QTMAN: variants seen among roughly 807,000 people sequenced by gnomAD.
QTMAN encodes queuosine-tRNA mannosyltransferase.
chr2:144,282,398 ATATG>A, the QTMAN span, among the ~76,000 whole-genome samples: 1 of 148,722 alleles, frequency 6.7e-6, no homozygotes, highest in African/African-American at 2.4e-5. Flanking sequence ...TATATTATAT[ATATG>A]TAATATATTG....
the QTMAN span, among the ~76,000 whole-genome samples, chr2:144,025,564 G>C: frequency 6.6e-6 from 1 of 152,210 alleles, no homozygotes; most frequent in African/African-American, 2.4e-5. Flanking sequence ...TGCTTAAGAA[G>C]ACTGGGCCTG....
the QTMAN span, among the ~76,000 whole-genome samples, chr2:144,004,342 G>A: frequency 3.9e-5 from 6 of 151,970 alleles, no homozygotes; most frequent in African/African-American, 1.4e-4. Context: ...TCAATTATAC[G>A]ATTTCCACCC....
chr2:143,967,406 C>G, the QTMAN span, among the ~76,000 whole-genome samples: 1 of 151,940 alleles, frequency 6.6e-6, no homozygotes, highest in East Asian at 1.9e-4. Flanking sequence ...TCTTGGCTCA[C>G]TGCAACCTGT....
the QTMAN span, among the ~76,000 whole-genome samples, chr2:144,171,639 G>A: frequency 6.6e-6 from 1 of 152,064 alleles, no homozygotes; most frequent in Non-Finnish European, 1.5e-5. Context: ...AATATTTGGA[G>A]GAAATATTTT....
the QTMAN span, among the ~76,000 whole-genome samples, chr2:143,976,087 A>T: frequency 6.6e-6 from 1 of 152,236 alleles, no homozygotes. Context: ...TCATACAAAT[A>T]TAACTATTCC....
the QTMAN span, among the ~76,000 whole-genome samples, chr2:144,241,189 C>CACCCCAGACCTA: frequency 6.6e-6 from 1 of 152,212 alleles, no homozygotes; most frequent in African/African-American, 2.4e-5. Flanking sequence ...TCTCAGGCCT[C>CACCCCAGACCTA]ACCCCAGACC....
At chr2:144,292,222 G>A in the QTMAN span, among the ~76,000 whole-genome samples, 1 of 152,098 alleles carries the variant, frequency 6.6e-6, no homozygotes, top group African/African-American at 2.4e-5. Flanking sequence ...AACCCAGTTT[G>A]GGACAGTCCA....
the QTMAN span, among the ~76,000 whole-genome samples, chr2:144,228,024 C>G: frequency 2.6e-5 from 4 of 152,170 alleles, no homozygotes; most frequent in African/African-American, 9.7e-5. Flanking sequence ...AAGGAAGTTT[C>G]TGAGCTCTCC....
the QTMAN span, among the ~76,000 whole-genome samples, chr2:144,330,567 T>C: frequency 2.6e-5 from 4 of 152,324 alleles, no homozygotes; most frequent in South Asian, 6.2e-4. Context: ...TCAAAAACAC[T>C]GGAAAGTAAT....
chr2:144,262,237 G>A, the QTMAN span, among the ~76,000 whole-genome samples: 3,376 of 152,210 alleles, frequency 0.022, 66 homozygotes, highest in Non-Finnish European at 0.033. Context: ...ACAGACAATG[G>A]AAGATGGCTG....
At chr2:144,304,088 AAT>A in the QTMAN span, among the ~76,000 whole-genome samples, 1 of 152,232 alleles carries the variant, frequency 6.6e-6, no homozygotes, top group East Asian at 1.9e-4. Context: ...TAAAAGAACA[AAT>A]ATGAGAGAAC....
At chr2:144,109,639 T>A in the QTMAN span, among the ~76,000 whole-genome samples, 1 of 151,828 alleles carries the variant, frequency 6.6e-6, no homozygotes, top group African/African-American at 2.4e-5. Context: ...ATTTTTGCAA[T>A]CTACTCATCT....
chr2:144,034,549 G>A, the QTMAN span, among the ~76,000 whole-genome samples: 1 of 152,092 alleles, frequency 6.6e-6, no homozygotes, highest in Non-Finnish European at 1.5e-5. Context: ...GAGATGGAGG[G>A]TTGCCAGTTA....
the QTMAN span, chr2:144,011,745 G>C: frequency 1.0e-6 from 1 of 984,728 alleles, no homozygotes; most frequent in Admixed American, 6.2e-5. Flanking sequence ...ATTCAATGAC[G>C]TGACTATGCA....
the QTMAN span, among the ~76,000 whole-genome samples, chr2:144,327,632 T>C: frequency 6.6e-6 from 1 of 152,120 alleles, no homozygotes; most frequent in African/African-American, 2.4e-5. Context: ...GTTCAAATTA[T>C]AGCAGCCATG....
chr2:144,277,515 C>T, the QTMAN span, among the ~76,000 whole-genome samples: 7 of 151,954 alleles, frequency 4.6e-5, no homozygotes, highest in East Asian at 9.6e-4. Context: ...TATCCACATA[C>T]CCTAATGCAA....
the QTMAN span, among the ~76,000 whole-genome samples, chr2:144,046,158 T>C: frequency 2.0e-4 from 30 of 152,152 alleles, no homozygotes; most frequent in Non-Finnish European, 4.0e-4. Context: ...ACTAACACTA[T>C]CAAATAACAA....
the QTMAN span, among the ~76,000 whole-genome samples, chr2:144,182,507 G>C: frequency 6.6e-6 from 1 of 151,396 alleles, no homozygotes; most frequent in Non-Finnish European, 1.5e-5. Context: ...AGTCAGGCAT[G>C]GCGGTGCACA....
the QTMAN span, among the ~76,000 whole-genome samples, chr2:144,108,616 C>T: frequency 1.4e-5 from 2 of 140,092 alleles, no homozygotes; most frequent in East Asian, 2.0e-4. Flanking sequence ...CCAGCCTGGG[C>T]GACAGAGCAA....
Sources: allele counts gnomAD v4.1 joint callset (sites outside exome capture counted in the v4.1 genomes callset), GRCh38; gene constraint gnomAD v4.1.1; transcripts MANE v1.5; gene names NCBI Gene and HGNC (gene_info 2026-07-23, HGNC 2026-07-21).